Variants in CLDN16 observed in about 807,000 individuals in gnomAD.
CLDN16 encodes the protein claudin-16.
CLDN16 carries 13 observed loss-of-function variants against 24.6 expected under a neutral mutation model. The ratio of observed to expected loss-of-function variants is 0.53; its 90% CI spans 0.34 to 0.84. CLDN16 has a LOEUF of 0.84. Among genes scored for constraint, CLDN16 ranks in the 40% least tolerant of loss-of-function variants. CLDN16 has a pLI of 0.01. For synonymous variants in CLDN16, 116 were observed against 106.7 expected (o/e 1.09, Z -0.54); for missense variants, 298 against 292.7 (o/e 1.02, Z -0.13).
intron 1 of CLDN16, among the ~76,000 whole-genome samples, chr3:190,351,986 C>G (rs1717680339): frequency 6.6e-6 from 1 of 151,966 alleles, no homozygotes; most frequent in Non-Finnish European, 1.5e-5. Flanking sequence ...AATGTTTTTC[C>G]TGGCTTGAAT....
the CLDN16 span, chr3:190,310,352 T>G: frequency 5.5e-5 from 46 of 830,306 alleles, no homozygotes; most frequent in African/African-American, 7.5e-4. Flanking sequence ...GAATTAAATC[T>G]CATCAATAGT....
chr3:190,322,130 G>T, upstream of CLDN16: 1 of 1,614,244 alleles, frequency 6.2e-7, no homozygotes. Context: ...CTGGGGCAGG[G>T]CAGTGCTGAC....
the CLDN16 span, among the ~76,000 whole-genome samples, chr3:190,294,671 A>C: frequency 6.6e-6 from 1 of 152,124 alleles, no homozygotes. Flanking sequence ...TTATATTTTA[A>C]TTTAAAAACA....
chr3:190,310,683 A>G, the CLDN16 span, among the ~76,000 whole-genome samples: 2 of 152,172 alleles, frequency 1.3e-5, no homozygotes, highest in Admixed American at 6.5e-5. Context: ...CAAAATTTAC[A>G]TTTCTGCAGA....
chr3:190,293,074 T>C, the CLDN16 span, among the ~76,000 whole-genome samples: 1 of 152,188 alleles, frequency 6.6e-6, no homozygotes, highest in Non-Finnish European at 1.5e-5. Context: ...CTACGAATTT[T>C]AAAGAAAAGA....
At chr3:190,350,885 GTCT>G (rs1212286193) in intron 1 of CLDN16, among the ~76,000 whole-genome samples, 1 of 152,120 alleles carries the variant, frequency 6.6e-6, no homozygotes, top group Non-Finnish European at 1.5e-5. Context: ...TTTCCTCGCA[GTCT>G]TCTTCATTCT....
chr3:190,348,789 T>C (rs1248389670), intron 1 of CLDN16, among the ~76,000 whole-genome samples: 6 of 152,124 alleles, frequency 3.9e-5, no homozygotes, highest in Admixed American at 3.9e-4. Flanking sequence ...ACCCATTAGT[T>C]ATTTTTCCTG....
upstream of CLDN16, among the ~76,000 whole-genome samples, chr3:190,321,808 C>T (rs1422056107): frequency 1.3e-5 from 2 of 152,152 alleles, no homozygotes; most frequent in Admixed American, 6.5e-5. Context: ...TATGCCTGGG[C>T]GTCGCTTTCC....
At chr3:190,409,237 T>TGCACACACGTATATGCATGTATATAG (rs1719200988) in intron 4 of CLDN16, among the ~76,000 whole-genome samples, 1 of 152,070 alleles carries the variant, frequency 6.6e-6, no homozygotes. Flanking sequence ...CATGTATATA[T>TGCACACACGTATATGCATGTATATAG]GCACACACGT....
At chr3:190,354,305 T>C (rs770583585) in intron 1 of CLDN16, among the ~76,000 whole-genome samples, 35 of 152,028 alleles carry the variant, frequency 2.3e-4, no homozygotes, top group Non-Finnish European at 4.1e-4. Flanking sequence ...CAGGAATGTT[T>C]AATAAAGGTG....
intron 1 of CLDN16, among the ~76,000 whole-genome samples, chr3:190,347,981 C>T (rs1462124507): frequency 6.6e-6 from 1 of 150,688 alleles, no homozygotes; most frequent in Non-Finnish European, 1.5e-5. Flanking sequence ...CGGTGGCTCA[C>T]ATCTGTAATC....
At chr3:190,376,126 T>C (rs113936958) in intron 3 of CLDN16, among the ~76,000 whole-genome samples, 4,870 of 151,942 alleles carry the variant, frequency 0.032, 120 homozygotes, top group East Asian at 0.051. Context: ...ATCCACATCA[T>C]TGACTTCAGA....
chr3:190,370,586 G>A (rs553643628), intron 1 of CLDN16, among the ~76,000 whole-genome samples: 34 of 151,996 alleles, frequency 2.2e-4, no homozygotes, highest in South Asian at 8.3e-4. Context: ...CTAAACCTAC[G>A]TCATGTGCAA....
chr3:190,397,980 T>C (rs939143254), intron 1 of CLDN16, among the ~76,000 whole-genome samples: 5 of 152,204 alleles, frequency 3.3e-5, no homozygotes, highest in African/African-American at 1.2e-4. Context: ...GGAATGACCA[T>C]AGTAGGCTAG....
At chr3:190,311,421 A>G in the CLDN16 span, among the ~76,000 whole-genome samples, 1 of 152,202 alleles carries the variant, frequency 6.6e-6, no homozygotes, top group Non-Finnish European at 1.5e-5. Context: ...GAGACTGGTC[A>G]TTTTAAACTA....
chr3:190,408,238 T>C (rs1038437929), intron 3 of CLDN16, 76 bp from the exon 4 acceptor site: 2 of 1,385,388 alleles, frequency 1.4e-6, no homozygotes, highest in African/African-American at 1.4e-5. Context: ...AGCCATTTTG[T>C]GTAGTAAGCA....
intron 1 of CLDN16, among the ~76,000 whole-genome samples, chr3:190,327,686 G>A (rs916379551): frequency 6.6e-6 from 1 of 152,130 alleles, no homozygotes; most frequent in Admixed American, 6.5e-5. Context: ...TACCTCCTTT[G>A]TATCTCTCCA....
At chr3:190,406,799 T>A (rs967244864) in intron 3 of CLDN16, among the ~76,000 whole-genome samples, 1 of 146,194 alleles carries the variant, frequency 6.8e-6, no homozygotes, top group Non-Finnish European at 1.5e-5. Context: ...TGGAGTGCAG[T>A]GGCGTGATCT....
At chr3:190,317,764 C>T (rs1716809661), upstream of CLDN16, among the ~76,000 whole-genome samples, 2 of 152,188 alleles carry the variant, frequency 1.3e-5, no homozygotes, top group African/African-American at 4.8e-5. Context: ...AGAAAGTCAA[C>T]CCTCCCTACA....
Sources: allele counts gnomAD v4.1 joint callset (sites outside exome capture counted in the v4.1 genomes callset), GRCh38; gene constraint gnomAD v4.1.1; transcripts MANE v1.5; gene names NCBI Gene and HGNC (gene_info 2026-07-23, HGNC 2026-07-21).